The following UPF2 variants were observed in gnomAD, a reference collection of about 807,000 sequenced individuals.
The protein encoded by UPF2 is UPF2 regulator of nonsense mediated mRNA decay, also known as regulator of nonsense transcripts 2.
A neutral mutation model predicts 141.4 loss-of-function variants in UPF2; 17 were observed. The observed-to-expected ratio is 0.12, with a 90% CI of 0.08 to 0.18. The LOEUF is 0.18. Ranked by LOEUF, UPF2 falls within the 10% of genes least tolerant of loss-of-function variation. The pLI is 1.00. For missense variants in UPF2, 1,152 were observed against 1,515.9 expected (o/e 0.76, Z 3.99); for synonymous variants, 540 against 498.0 (o/e 1.08, Z -1.12).
At chr10:11,948,224 G>A in intron 16 of UPF2, 145 bp downstream of exon 16, 1 of 825,994 alleles carries the variant, frequency 1.2e-6, no homozygotes, top group Non-Finnish European at 1.7e-6. Flanking sequence ...CTCCAACTTG[G>A]GCGACAGAGC....
chr10:11,940,426 T>C lies in UPF2; in HGVS notation c.3378+2239A>G, dbSNP rs1023066196. On this transcript the variant is annotated intron_variant, in intron 18 of 21. Transcript: ENST00000357604. This position sits in a 1 kb window ranked among gnomAD's most constrained non-coding sequence, Gnocchi z 4.2. ...ATTTGTTCCGATGCTTTCAATATAC[T>C]CTACCCATCACATTTCTGTTTTCAC... Among the ~76,000 whole-genome samples the C allele has an allele frequency of 6.6e-6, 1 of 152,196 alleles. No homozygotes were observed. The highest frequency in any genetic ancestry group is 2.4e-5 in the African/African-American group (1 of 41,448).
At chr10:11,996,927 T>C (rs1214609711) in intron 8 of UPF2, among the ~76,000 whole-genome samples, 1 of 152,196 alleles carries the variant, frequency 6.6e-6, no homozygotes, top group East Asian at 1.9e-4. Flanking sequence ...TCCCTCAGAA[T>C]CCTTATCTTT....
intron 9 of UPF2, among the ~76,000 whole-genome samples, chr10:11,969,825 T>C (rs2062983): frequency 0.066 from 10,019 of 152,250 alleles, 564 homozygotes; most frequent in East Asian, 0.24. Context: ...TCCTTATCTG[T>C]AAATTGGACC....
In UPF2 at chr10:11,980,994, C is replaced by T. The variant is rs980110199; in HGVS notation, c.1845-1829G>A. ...CCTGAGGTGAGGAGTTCAAGACCAG[C>T]CTGGCCAACATGGTGAAACCCCCAT... On this transcript the variant is annotated intron_variant, in intron 8 of 21. Coordinates refer to ENST00000357604, the MANE Select transcript of UPF2 (RefSeq NM_015542.4). This position sits in a 1 kb window ranked among gnomAD's most constrained non-coding sequence, Gnocchi z 4.2. Among the ~76,000 whole-genome samples, 3 of 152,000 alleles carry T rather than the reference C, an allele frequency of 2.0e-5. No individual in the cohort carries two copies. The highest frequency in any genetic ancestry group is 2.9e-5 in the Non-Finnish European group (2 of 68,012).
chr10:11,975,764 G>A (rs1408572698), intron 9 of UPF2, among the ~76,000 whole-genome samples: 7 of 151,516 alleles, frequency 4.6e-5, no homozygotes, highest in Admixed American at 4.6e-4. Flanking sequence ...TAATCCACCC[G>A]CCTTGGCCTC....
At chr10:11,999,040 A>C (rs1239167793) in intron 7 of UPF2, among the ~76,000 whole-genome samples, 46 of 150,428 alleles carry the variant, frequency 3.1e-4, no homozygotes, top group African/African-American at 4.9e-5. Context: ...AAAAAAAAAA[A>C]CTCATTTGTA....
In UPF2 at chr10:11,959,172, T is replaced by C; in HGVS notation, c.2369A>G (p.Lys790Arg). The C allele has an allele frequency of 6.3e-7, 1 of 1,575,590 alleles. No homozygotes were observed. The highest frequency in any genetic ancestry group is 8.6e-7 in the Non-Finnish European group (1 of 1,166,350). Residue 790 changes from lysine to arginine, a missense_variant and splice_region_variant, in exon 12 of 22, where the codon AAG becomes AGG. Transcript: ENST00000357604. The surrounding 1 kb of genome is among the most constrained non-coding windows in gnomAD (Gnocchi z 5.9). ...YKDLSKVTTE[K>R]VLRQMRKLPW... ...ACTGCATGATTTCATAAGATTTACC[T>C]TCTCGGTGGTAACCTTAGAGAGATC...
At chr10:11,983,249 G>A (rs933801748) in intron 8 of UPF2, among the ~76,000 whole-genome samples, 2 of 152,122 alleles carry the variant, frequency 1.3e-5, no homozygotes, top group Non-Finnish European at 2.9e-5. Flanking sequence ...ATATCTTTTA[G>A]CAGTTAATGG....
chr10:12,034,632 G>A (rs977913226), intron 2 of UPF2, among the ~76,000 whole-genome samples: 11 of 151,978 alleles, frequency 7.2e-5, no homozygotes, highest in Non-Finnish European at 1.3e-4. Flanking sequence ...ATGGTGAAAC[G>A]CCATCTCTAC....
rs1308444678 is a variant in UPF2, at chr10:11,921,883, CAT to C, written c.3810-578_3810-577del. ...TTCAGTTGTGTATCCCCAAAATTCA[CAT>C]GTTAACACTGAACTGCAGGACCTCA... On this transcript the variant is annotated intron_variant, in intron 21 of 21. Coordinates refer to ENST00000357604, the MANE Select transcript of UPF2 (RefSeq NM_015542.4). The surrounding 1 kb of genome is among the most constrained non-coding windows in gnomAD (Gnocchi z 5.9). Among the ~76,000 whole-genome samples the C allele has an allele frequency of 2.0e-5, 3 of 152,136 alleles. No individual in the cohort carries two copies. The highest frequency in any genetic ancestry group is 4.8e-5 in the African/African-American group (2 of 41,410).
intron 15 of UPF2, among the ~76,000 whole-genome samples, chr10:11,951,448 C>G (rs911042599): frequency 6.6e-6 from 1 of 152,168 alleles, no homozygotes; most frequent in Non-Finnish European, 1.5e-5. Context: ...ATACTTTGTA[C>G]TGGTTATTTC....
In UPF2 at chr10:11,955,545, G is replaced by A. The variant is rs746711050; in HGVS notation, c.2575-38C>T. The A allele has an allele frequency of 2.5e-6, 4 of 1,571,242 alleles. No individual in the cohort carries two copies. The South Asian group carries it at 4.8e-5, about 19-fold the overall frequency. ...AAAACCACAGATTTTCATTAAAGAG[G>A]AGTAGTGTATATGAAAACAGGTTAA... On this transcript the variant is annotated intron_variant, in intron 13 of 21. Transcript: ENST00000357604.
chr10:11,993,060 G>A (rs1238167176), intron 8 of UPF2, among the ~76,000 whole-genome samples: 3 of 146,816 alleles, frequency 2.0e-5, no homozygotes, highest in Non-Finnish European at 4.4e-5. Flanking sequence ...TTAGGTGGGA[G>A]AATCGCTTGG....
At chr10:11,993,149 C>CA (rs561323595) in intron 8 of UPF2, among the ~76,000 whole-genome samples, 8,126 of 79,780 alleles carry the variant, frequency 0.1, 513 homozygotes, top group East Asian at 0.14. Context: ...GGCTCCACCT[C>CA]AAAAAAAAAA....
chr10:12,012,123 C>T (rs1166883342), intron 4 of UPF2, among the ~76,000 whole-genome samples: 1 of 149,054 alleles, frequency 6.7e-6, no homozygotes, highest in African/African-American at 2.5e-5. Context: ...AGTGCAATGG[C>T]GCGAGCCTGG....
intron 18 of UPF2, 97 bp downstream of exon 18, chr10:11,942,568 G>C: frequency 1.9e-6 from 2 of 1,060,586 alleles, no homozygotes; most frequent in Admixed American, 4.3e-5. Context: ...CTGCAGAAGA[G>C]ACACTTAGAT....
rs747010947 is a variant in UPF2 at position 11,942,647 on chromosome 10, A to G, written c.3378+18T>C. On this transcript the variant is annotated intron_variant, in intron 18 of 21. Transcript: ENST00000357604. ...TTTTGTATTGAGAAGAGTCTTTGAAACAAATGACATTTAATACCTGTAGAT... is the reference window on the plus strand; with the variant it reads ...TTTTGTATTGAGAAGAGTCTTTGAAGCAAATGACATTTAATACCTGTAGAT... 5.6e-6 allele frequency: 9 copies of G among 1,608,482 alleles called. No individual in the cohort carries two copies. The highest frequency in any genetic ancestry group is 7.7e-6 in the Non-Finnish European group (9 of 1,175,604).
intron 9 of UPF2, among the ~76,000 whole-genome samples, chr10:11,978,850 C>T (rs536338644): frequency 7.2e-5 from 11 of 152,292 alleles, no homozygotes; most frequent in African/African-American, 2.6e-4. Flanking sequence ...GTAGCAGGAA[C>T]AGCTCACCTC....
chr10:11,955,149 T>A, intron 14 of UPF2, 83 bp downstream of exon 14: 1 of 1,310,566 alleles, frequency 7.6e-7, no homozygotes. Context: ...ATGAATACCA[T>A]AACGTTTCTT....
Sources: allele counts gnomAD v4.1 joint callset (sites outside exome capture counted in the v4.1 genomes callset), GRCh38; gene constraint gnomAD v4.1.1; non-coding constraint Gnocchi (gnomAD v3.1); transcripts MANE v1.5; gene names NCBI Gene and HGNC (gene_info 2026-07-23, HGNC 2026-07-21).